The following GPR39 variants were observed in gnomAD, a reference collection of about 807,000 sequenced individuals.
GPR39 encodes the protein zinc sensing receptor.
In GPR39, 23 loss-of-function variants were observed where a neutral mutation model predicts 18.4. The observed-to-expected ratio is 1.25, with a 90% confidence interval of 0.90 to 1.77. The LOEUF (loss-of-function observed/expected upper bound fraction) is 1.77, where lower values mean the gene tolerates loss of function less well. GPR39 is among the 40% of genes most tolerant of loss of function. The probability of loss-of-function intolerance (pLI) is 0.00; values close to 1 mark genes in which losing one functional copy is unlikely to be tolerated. For missense variants in GPR39, 647 were observed against 602.4 expected (o/e 1.07, Z -0.78); for synonymous variants, 280 against 257.9 (o/e 1.09, Z -0.82).
intron 1 of GPR39, among the ~76,000 whole-genome samples, chr2:132,455,511 G>T (rs2104773554): frequency 6.6e-6 from 1 of 152,084 alleles, no homozygotes; most frequent in South Asian, 2.1e-4. Context: ...GTTATTTCTT[G>T]CCTTCTGCTA....
At chr2:132,560,573 C>A (rs1680233789) in intron 1 of GPR39, among the ~76,000 whole-genome samples, 1 of 152,256 alleles carries the variant, frequency 6.6e-6, no homozygotes, top group South Asian at 2.1e-4. Context: ...TCCGATTTCC[C>A]AGTCCAGGAA....
At position 132,508,689 on chromosome 2, in the gene GPR39, A is replaced by C. The variant is rs193177283; in HGVS notation, c.856+90791A>C. ...TCAGCTGCCGTTTAAAGCAGTTAGC[A>C]GTCACTTACCACCATGGGCAATAAG... On this transcript the variant is annotated intron_variant, in intron 1 of 1. Coordinates refer to ENST00000329321, the MANE Select transcript of GPR39 (RefSeq NM_001508.3). Among the ~76,000 whole-genome samples the C allele has an allele frequency of 4.4e-4, 67 of 152,342 alleles. No individual in the cohort carries two copies. In the East Asian group the frequency reaches 0.012, roughly 26 times the overall value.
At chr2:132,632,206 A>G (rs1681662707) in intron 1 of GPR39, among the ~76,000 whole-genome samples, 1 of 152,144 alleles carries the variant, frequency 6.6e-6, no homozygotes, top group Non-Finnish European at 1.5e-5. Flanking sequence ...CTTTCCATAA[A>G]GTAAATCCAA....
At chr2:132,504,008 C>A (rs1679090049) in intron 1 of GPR39, among the ~76,000 whole-genome samples, 1 of 152,226 alleles carries the variant, frequency 6.6e-6, no homozygotes, top group Non-Finnish European at 1.5e-5. Context: ...TGAGAACTTG[C>A]ACCAGACCAT....
chr2:132,435,887 A>G (rs1183098308), intron 1 of GPR39, among the ~76,000 whole-genome samples: 1 of 152,098 alleles, frequency 6.6e-6, no homozygotes, highest in Non-Finnish European at 1.5e-5. Flanking sequence ...TATAGTAAAG[A>G]TGCATGGACA....
At position 132,565,412 on chromosome 2, in the gene GPR39, T is replaced by TA. The variant is rs1553456992; in HGVS notation, c.857-79688dup. 5.9e-5 allele frequency among the ~76,000 whole-genome samples: 8 copies of TA among 135,486 alleles called. 1 individual carries two copies. The highest frequency in any genetic ancestry group is 1.5e-4 in the Admixed American group (2 of 13,680). The allele number at this position is 135,486 out of a possible 152,430, so 88.9% of individuals were successfully genotyped here. On this transcript the variant is annotated intron_variant, in intron 1 of 1. Transcript: ENST00000329321. ...ATGAGTTTCCTTTTTTTTTTTTTTT[T>TA]ATTATACTTTAAGTTTTAGGGTACA... is the stretch of plus-strand genomic sequence containing the variant.
chr2:132,529,393 G>GGCCT (rs765095280), intron 1 of GPR39, among the ~76,000 whole-genome samples: 38 of 152,222 alleles, frequency 2.5e-4, no homozygotes, highest in Admixed American at 5.2e-4. Context: ...AGCTCAAGGA[G>GGCCT]GCCTGCCTGC....
At chr2:132,589,749 C>T (rs2104830635) in intron 1 of GPR39, among the ~76,000 whole-genome samples, 1 of 152,318 alleles carries the variant, frequency 6.6e-6, no homozygotes, top group East Asian at 1.9e-4. Flanking sequence ...TGTCCCATTG[C>T]TCTAACTGCC....
intron 1 of GPR39, among the ~76,000 whole-genome samples, chr2:132,632,613 T>C (rs1289164076): frequency 6.6e-6 from 1 of 152,206 alleles, no homozygotes; most frequent in Non-Finnish European, 1.5e-5. Context: ...CCTGACACTT[T>C]CCTGCTGTGT....
intron 1 of GPR39, among the ~76,000 whole-genome samples, chr2:132,617,139 A>G (rs927476453): frequency 3.9e-5 from 6 of 152,062 alleles, no homozygotes; most frequent in African/African-American, 1.2e-4. Flanking sequence ...TAGATGTACT[A>G]TAAGTGTTTA....
At chr2:132,560,909 T>G (rs975186578) in intron 1 of GPR39, among the ~76,000 whole-genome samples, 1 of 146,106 alleles carries the variant, frequency 6.8e-6, no homozygotes, top group African/African-American at 2.5e-5. Context: ...TGTTTTGTTT[T>G]GTTTTTTGCT....
intron 1 of GPR39, among the ~76,000 whole-genome samples, chr2:132,464,744 G>A (rs1680897258): frequency 6.6e-6 from 1 of 152,128 alleles, no homozygotes; most frequent in Non-Finnish European, 1.5e-5. Context: ...TTCCAACATT[G>A]CTGCAATAAA....
chr2:132,462,638 C>T (rs543046931), intron 1 of GPR39, among the ~76,000 whole-genome samples: 11 of 152,116 alleles, frequency 7.2e-5, no homozygotes, highest in Non-Finnish European at 8.8e-5. Context: ...ACACTCTGGC[C>T]TTTGCTGACT....
At chr2:132,556,257 C>T (rs1215332024) in intron 1 of GPR39, among the ~76,000 whole-genome samples, 1 of 152,186 alleles carries the variant, frequency 6.6e-6, no homozygotes, top group Non-Finnish European at 1.5e-5. Flanking sequence ...ATCAGAGAGA[C>T]AGTATATGGA....
intron 1 of GPR39, among the ~76,000 whole-genome samples, chr2:132,629,816 A>G (rs1310970732): frequency 6.6e-6 from 1 of 152,138 alleles, no homozygotes; most frequent in Non-Finnish European, 1.5e-5. Context: ...GTGGGATTGT[A>G]TCTCTGGATG....
chr2:132,443,989 C>T lies in GPR39; in HGVS notation c.856+26091C>T, dbSNP rs149450015. Among the ~76,000 whole-genome samples, 469 of 152,132 alleles carry T rather than the reference C, an allele frequency of 3.1e-3. 2 individuals are homozygous for T. Among genetic ancestry groups the T allele is most frequent in the African/African-American group, 0.01 (432 of 41,512 alleles). ...ACTTGGGAGGCTGAGGTGGGAGGAT[C>T]GCTTGAGCCTGGGAGGTGGAGGTTG... On this transcript the variant is annotated intron_variant, in intron 1 of 1. Coordinates refer to ENST00000329321, the MANE Select transcript of GPR39 (RefSeq NM_001508.3).
rs1277164502 is a variant in GPR39 at position 132,591,244 on chromosome 2, C to A, written c.857-53857C>A. ...CCGCAGTCCGGCCTGGGCGACAGAG[C>A]GAGACTCCGTCTCAAAAAAAAAAAA... On this transcript the variant is annotated intron_variant, in intron 1 of 1. Transcript: ENST00000329321. 2.5e-5 allele frequency among the ~76,000 whole-genome samples: 3 copies of A among 117,954 alleles called. No individual in the cohort carries two copies. In the Admixed American group the frequency reaches 3.5e-4, roughly 14 times the overall value. 77.4% of individuals were successfully genotyped at this position (117,954 alleles called of 152,430 possible).
chr2:132,596,633 C>T (rs193127773), intron 1 of GPR39, among the ~76,000 whole-genome samples: 21 of 152,256 alleles, frequency 1.4e-4, no homozygotes, highest in African/African-American at 5.1e-4. Flanking sequence ...CCCTCCTTCT[C>T]CCAATCTTTA....
At chr2:132,442,172 T>C (rs564998762) in intron 1 of GPR39, among the ~76,000 whole-genome samples, 1 of 152,288 alleles carries the variant, frequency 6.6e-6, no homozygotes, top group South Asian at 2.1e-4. Flanking sequence ...AGGGACGTGA[T>C]TGTTCAGTTG....
Sources: allele counts gnomAD v4.1 joint callset (sites outside exome capture counted in the v4.1 genomes callset), GRCh38; gene constraint gnomAD v4.1.1; transcripts MANE v1.5; gene names NCBI Gene and HGNC (gene_info 2026-07-23, HGNC 2026-07-21).